PSD3: variants seen among roughly 807,000 people sequenced by gnomAD.
The protein encoded by PSD3 is pleckstrin and Sec7 domain containing 3.
Under a neutral mutation model 105.5 loss-of-function variants are expected in PSD3, and 49 were observed. The observed-to-expected ratio is 0.46, with a 90% confidence interval of 0.37 to 0.59. PSD3 has a LOEUF of 0.59. Among genes scored for constraint, PSD3 ranks in the 20% least tolerant of loss-of-function variants. The probability of loss-of-function intolerance (pLI) is 0.00; values close to 1 mark genes in which losing one functional copy is unlikely to be tolerated. For missense variants in PSD3, 1,561 were observed against 1,263.8 expected (o/e 1.24, Z -3.57); for synonymous variants, 557 against 457.8 (o/e 1.22, Z -2.77).
chr8:18,957,898 C>T (rs1823677138), intron 1 of PSD3, among the ~76,000 whole-genome samples: 1 of 152,188 alleles, frequency 6.6e-6, no homozygotes, highest in Non-Finnish European at 1.5e-5. Flanking sequence ...CAGAACACTT[C>T]AGATATTTGC....
At chr8:19,065,818 T>G (rs1417968772) in intron 1 of PSD3, among the ~76,000 whole-genome samples, 7 of 152,158 alleles carry the variant, frequency 4.6e-5, no homozygotes, top group Admixed American at 2.0e-4. Flanking sequence ...TGATGATCAC[T>G]TTAACCCTCA....
At position 18,575,334 on chromosome 8, in the gene PSD3, C is replaced by T. The variant is rs374124695; in HGVS notation, c.2482-49G>A. ...AAAGGCAAAAATCACGATCAGATTTCAACTTAATTTTTTAAAAGCAAAAAC... is the reference window on the plus strand; with the variant it reads ...AAAGGCAAAAATCACGATCAGATTTTAACTTAATTTTTTAAAAGCAAAAAC... On this transcript the variant is annotated intron_variant, in intron 12 of 15. Coordinates refer to ENST00000327040, the MANE Select transcript of PSD3 (RefSeq NM_015310.4). 347 of 1,459,644 alleles carry T rather than the reference C, an allele frequency of 2.4e-4. 5 individuals carry two copies. In the South Asian group the frequency reaches 4.5e-3, roughly 19 times the overall value. 90.4% of individuals were successfully genotyped at this position (1,459,644 alleles called of 1,614,324 possible).
At chr8:18,951,209 A>G (rs1823216121) in intron 1 of PSD3, among the ~76,000 whole-genome samples, 1 of 152,182 alleles carries the variant, frequency 6.6e-6, no homozygotes, top group Admixed American at 6.5e-5. Context: ...AGCCTGGGCA[A>G]CATAGTGAGA....
At chr8:19,063,635 T>C (rs1333274764) in intron 1 of PSD3, among the ~76,000 whole-genome samples, 1 of 152,168 alleles carries the variant, frequency 6.6e-6, no homozygotes, top group South Asian at 2.1e-4. Context: ...ATAGCGAGTA[T>C]AGTAAAGACT....
intron 1 of PSD3, among the ~76,000 whole-genome samples, chr8:19,031,534 T>C (rs1351341315): frequency 6.7e-6 from 1 of 149,280 alleles, no homozygotes; most frequent in Admixed American, 6.8e-5. Flanking sequence ...CTCTGCTTTT[T>C]GATATGACAA....
intron 9 of PSD3, among the ~76,000 whole-genome samples, chr8:18,745,048 T>C (rs577457440): frequency 1.3e-5 from 2 of 152,218 alleles, no homozygotes; most frequent in Non-Finnish European, 2.9e-5. Context: ...TCTTCTCCTT[T>C]AGAGCATCAG....
intron 9 of PSD3, among the ~76,000 whole-genome samples, chr8:18,755,452 C>T (rs1434873679): frequency 6.6e-6 from 1 of 151,474 alleles, no homozygotes; most frequent in African/African-American, 2.4e-5. Flanking sequence ...CATAACATAA[C>T]ATAACATAAC....
chr8:18,670,162 C>A (rs954444523), intron 9 of PSD3, among the ~76,000 whole-genome samples: 1 of 152,262 alleles, frequency 6.6e-6, no homozygotes, highest in African/African-American at 2.4e-5. Context: ...AAACGTAAGA[C>A]GTGAGTGACC....
At chr8:18,911,600 A>G (rs1342332548) in intron 2 of PSD3, among the ~76,000 whole-genome samples, 1 of 152,194 alleles carries the variant, frequency 6.6e-6, no homozygotes, top group Non-Finnish European at 1.5e-5. Flanking sequence ...AGTTCCTAGC[A>G]GAGTGTCTGT....
chr8:18,666,420 G>T (rs1799457777), intron 9 of PSD3, among the ~76,000 whole-genome samples: 2 of 152,184 alleles, frequency 1.3e-5, no homozygotes, highest in Admixed American at 1.3e-4. Context: ...CGCGGTATTT[G>T]TTTTATTGCT....
chr8:18,651,654 T>C (rs1024994851), intron 10 of PSD3, among the ~76,000 whole-genome samples: 3 of 152,156 alleles, frequency 2.0e-5, no homozygotes, highest in East Asian at 1.9e-4. Flanking sequence ...TAATGGGGTG[T>C]AGAAACTGCT....
intron 9 of PSD3, among the ~76,000 whole-genome samples, chr8:18,732,274 C>T (rs1355785969): frequency 1.3e-5 from 2 of 152,066 alleles, no homozygotes; most frequent in African/African-American, 4.8e-5. Flanking sequence ...GATGGACATA[C>T]GGAGTCATAG....
At chr8:18,626,337 T>C (rs1323186495) in intron 11 of PSD3, among the ~76,000 whole-genome samples, 1 of 135,872 alleles carries the variant, frequency 7.4e-6, no homozygotes, top group Non-Finnish European at 1.7e-5. Context: ...AACCTTTCCA[T>C]GCAGCTTTGA....
chr8:18,897,549 G>A (rs1347129800), intron 2 of PSD3, among the ~76,000 whole-genome samples: 1 of 152,108 alleles, frequency 6.6e-6, no homozygotes, highest in African/African-American at 2.4e-5. Context: ...AATGACACTG[G>A]TACTTTGATA....
chr8:18,655,547 A>G, intron 10 of PSD3, 95 bp downstream of exon 10: 1 of 1,217,496 alleles, frequency 8.2e-7, no homozygotes, highest in East Asian at 2.3e-5. Flanking sequence ...GGCAATGCAT[A>G]TTTAATCCTT....
intron 4 of PSD3, among the ~76,000 whole-genome samples, chr8:18,825,085 C>A (rs1305619953): frequency 6.6e-6 from 1 of 152,182 alleles, no homozygotes; most frequent in Admixed American, 6.5e-5. Flanking sequence ...AAAAACCCTG[C>A]CTTTCTGCAA....
chr8:19,030,898 T>C (rs1263694988), intron 1 of PSD3, among the ~76,000 whole-genome samples: 2 of 152,212 alleles, frequency 1.3e-5, no homozygotes, highest in Non-Finnish European at 2.9e-5. Context: ...CAAGTCCCTC[T>C]TCTTCAACTC....
At chr8:18,596,844 C>A (rs939584692) in intron 12 of PSD3, among the ~76,000 whole-genome samples, 1 of 152,084 alleles carries the variant, frequency 6.6e-6, no homozygotes, top group Non-Finnish European at 1.5e-5. Flanking sequence ...ACCCTCCCAA[C>A]AAAGGAAAGT....
intron 1 of PSD3, among the ~76,000 whole-genome samples, chr8:18,960,309 C>T (rs17469073): frequency 0.55 from 83,532 of 151,952 alleles, 23,120 homozygotes; most frequent in African/African-American, 0.6. Flanking sequence ...GAACGCATGA[C>T]CAAAGAAGTG....
Sources: gnomAD v4.1 joint callset for allele counts (sites outside exome capture counted in the v4.1 genomes callset) on GRCh38, gnomAD v4.1.1 for gene constraint, MANE v1.5 for transcripts, NCBI Gene and HGNC (gene_info 2026-07-23, HGNC 2026-07-21) for gene names.